OBI1: variants seen among roughly 807,000 people sequenced by gnomAD.
OBI1 encodes ring finger protein 219.
A neutral mutation model predicts 62.4 loss-of-function variants in OBI1; 59 were observed. That is an observed-to-expected ratio of 0.95 (90% CI 0.77 to 1.17). The LOEUF (loss-of-function observed/expected upper bound fraction) is 1.17. Ranked by LOEUF, OBI1 falls within the 50% of genes most tolerant of loss-of-function variation. OBI1 has a pLI of 0.00. For synonymous variants in OBI1, 302 were observed against 292.8 expected (o/e 1.03, Z -0.32); for missense variants, 875 against 830.9 (o/e 1.05, Z -0.65).
intron 3 of OBI1, among the ~76,000 whole-genome samples, chr13:78,640,063 G>T (rs1248547789): frequency 6.6e-6 from 1 of 151,552 alleles, no homozygotes; most frequent in Non-Finnish European, 1.5e-5. Context: ...CAGAAAATAA[G>T]AAAAGTCACA....
At chr13:78,629,461 C>T (rs544498167) in intron 5 of OBI1, among the ~76,000 whole-genome samples, 64 of 152,126 alleles carry the variant, frequency 4.2e-4, no homozygotes, top group Non-Finnish European at 7.4e-4. Flanking sequence ...ATAGCATGAT[C>T]CCTGCCTCAA....
At position 78,638,991 on chromosome 13, in the gene OBI1, A is replaced by G; in HGVS notation, c.381T>C (p.Ile127=). 6.2e-7 allele frequency: 1 copy of G among 1,613,924 alleles called. No homozygotes were observed. Among genetic ancestry groups the G allele is most frequent in the Non-Finnish European group, 8.5e-7 (1 of 1,179,912 alleles). ...CCTGCACCAAGGTTAAAGGATCCAG[A>G]ATAGTTTTGATCTGTGACTCCAAGC... ...NLSLESQIKT[I]LDPLTLVQGN... Residue 127 remains isoleucine, a synonymous_variant, in exon 4 of 6, where the codon ATT becomes ATC. Coordinates refer to ENST00000282003, the MANE Select transcript of OBI1 (RefSeq NM_024546.4).
rs756719011 is a variant in OBI1 at position 78,659,154 on chromosome 13, C to G, written c.-34G>C. The G allele has an allele frequency of 1.3e-5, 21 of 1,598,790 alleles. No homozygotes were observed. The highest frequency in any genetic ancestry group is 1.7e-5 in the Admixed American group (1 of 58,796). ...TCAGAATCCCGCCAACACGGAAGTCCCGCCGACCTACCGCTACTCTTCGCC... is the reference window on the plus strand; with the variant it reads ...TCAGAATCCCGCCAACACGGAAGTCGCGCCGACCTACCGCTACTCTTCGCC... On this transcript the variant is annotated 5_prime_UTR_variant, in exon 1 of 6. Coordinates refer to ENST00000282003, the MANE Select transcript of OBI1 (RefSeq NM_024546.4).
Position 78,632,044 on chromosome 13 carries a change from T to C in OBI1, c.638+3066A>G, listed in dbSNP as rs145162570. On this transcript the variant is annotated intron_variant, in intron 5 of 5. Coordinates refer to ENST00000282003, the MANE Select transcript of OBI1 (RefSeq NM_024546.4). ...TGTTGGAGCATCTTAGAAAGAAATA[T>C]GTTCTGTGATGGACTGAGCCATGTC... Among the ~76,000 whole-genome samples the C allele has an allele frequency of 2.6e-3, 402 of 152,214 alleles. 1 individual carries two copies. The highest frequency in any genetic ancestry group is 3.8e-3 in the Non-Finnish European group (258 of 68,030).
At chr13:78,646,758 C>T (rs992540934) in intron 1 of OBI1, among the ~76,000 whole-genome samples, 3 of 151,866 alleles carry the variant, frequency 2.0e-5, no homozygotes, top group African/African-American at 7.3e-5. Flanking sequence ...TTAAAAGGGG[C>T]CCCCACCTCT....
Position 78,642,219 on chromosome 13 carries a change from G to T in OBI1, c.209-6C>A. Reference sequence around the variant, plus strand: ...TTCACTTTCACTTGTTCCTCCTGTAGGGAAAAAAAAAAAAATCCTAATTTT... The same window carrying T: ...TTCACTTTCACTTGTTCCTCCTGTATGGAAAAAAAAAAAAATCCTAATTTT... On this transcript the variant is annotated splice_region_variant and splice_polypyrimidine_tract_variant and intron_variant, in intron 2 of 5. Coordinates refer to ENST00000282003, the MANE Select transcript of OBI1 (RefSeq NM_024546.4). The T allele has an allele frequency of 6.6e-7, 1 of 1,511,570 alleles. No individual in the cohort carries two copies. The highest frequency in any genetic ancestry group is 9.1e-7 in the Non-Finnish European group (1 of 1,104,374). 93.6% of individuals were successfully genotyped at this position (1,511,570 alleles called of 1,614,324 possible).
chr13:78,638,801 A>AT (rs768528206), intron 4 of OBI1, 22 bp downstream of exon 4: 4 of 1,587,778 alleles, frequency 2.5e-6, no homozygotes, highest in Non-Finnish European at 3.4e-6. Context: ...ACCATAATAG[A>AT]TTTTTAAAAA....
rs372041793 is a variant in OBI1, at chr13:78,638,816, A to G, written c.549+7T>C. ...ACCATAATAGATTTTTAAAAACCAC[A>G]ACTTACCTCCTTTAGCTTATCCACA... On this transcript the variant is annotated splice_region_variant and intron_variant, in intron 4 of 5. Coordinates refer to ENST00000282003, the MANE Select transcript of OBI1 (RefSeq NM_024546.4). 27 of 1,599,174 alleles carry G rather than the reference A, an allele frequency of 1.7e-5. No individual in the cohort carries two copies. The highest frequency in any genetic ancestry group is 4.1e-5 in the African/African-American group (3 of 73,936).
intron 5 of OBI1, among the ~76,000 whole-genome samples, chr13:78,627,310 A>AT (rs34821359): frequency 1.9e-5 from 1 of 52,326 alleles, no homozygotes; most frequent in East Asian, 4.7e-4. Flanking sequence ...TATTTATTCT[A>AT]AAAAAAAAAA....
intron 5 of OBI1, among the ~76,000 whole-genome samples, chr13:78,634,022 C>T (rs1425706983): frequency 6.6e-6 from 1 of 150,736 alleles, no homozygotes. Context: ...GAGCCGAGAT[C>T]GCGCCACTGC....
chr13:78,633,277 C>T (rs560075703), intron 5 of OBI1, among the ~76,000 whole-genome samples: 2 of 152,092 alleles, frequency 1.3e-5, no homozygotes, highest in Non-Finnish European at 2.9e-5. Flanking sequence ...GAAAGAAAAA[C>T]GGGGTTGGAG....
At chr13:78,654,483 C>T (rs1566288383) in intron 1 of OBI1, among the ~76,000 whole-genome samples, 2 of 152,200 alleles carry the variant, frequency 1.3e-5, no homozygotes, top group Non-Finnish European at 2.9e-5. Flanking sequence ...CATGTACTGA[C>T]GTGGATGACT....
chr13:78,658,573 T>C (rs551837519), intron 1 of OBI1, among the ~76,000 whole-genome samples: 2 of 152,224 alleles, frequency 1.3e-5, no homozygotes, highest in African/African-American at 4.8e-5. Context: ...GTCTTGGAAA[T>C]GGAAAAGACT....
intron 1 of OBI1, among the ~76,000 whole-genome samples, chr13:78,650,043 T>C (rs573530507): frequency 3.9e-4 from 60 of 152,312 alleles, no homozygotes; most frequent in African/African-American, 1.4e-3. Flanking sequence ...TTGCTATACA[T>C]TGTTGAGTTC....
Position 78,617,037 on chromosome 13 carries a change from G to A in OBI1, c.724C>T (p.Arg242Ter), listed in dbSNP as rs1020140891. The change falls in exon 6 of 6, where the codon CGA (arginine) becomes TGA (stop). Residue 242 changes from arginine to a stop codon, truncating the protein, a stop_gained. Coordinates refer to ENST00000282003, the MANE Select transcript of OBI1 (RefSeq NM_024546.4). LOFTEE classifies it high-confidence loss of function. ...ETNRLKKALE[R>*]SDKYIEELES... ...AGTTCCTCTATATACTTATCACTTC[G>A]TTCCAGGGCTTTCTTGAGGCGATTG... The A allele has an allele frequency of 2.0e-5, 33 of 1,613,380 alleles. No homozygotes were observed. Among genetic ancestry groups the A allele is most frequent in the African/African-American group, 2.7e-5 (2 of 74,812 alleles).
chr13:78,618,296 A>T (rs1309834870), intron 5 of OBI1, among the ~76,000 whole-genome samples: 1 of 152,122 alleles, frequency 6.6e-6, no homozygotes, highest in African/African-American at 2.4e-5. Flanking sequence ...TGAGAAGGTG[A>T]CTTTCAAAAA....
intron 1 of OBI1, among the ~76,000 whole-genome samples, chr13:78,646,567 C>T (rs894234626): frequency 6.6e-6 from 1 of 152,034 alleles, no homozygotes; most frequent in Non-Finnish European, 1.5e-5. Context: ...TTCAATATTT[C>T]CCTAATAGTA....
chr13:78,639,974 CT>C (rs1876161314), intron 3 of OBI1, among the ~76,000 whole-genome samples: 2 of 150,988 alleles, frequency 1.3e-5, no homozygotes, highest in Admixed American at 6.6e-5. Context: ...CACATGTACC[CT>C]AAAACTTAAA....
chr13:78,625,906 G>A (rs1197871461), intron 5 of OBI1, among the ~76,000 whole-genome samples: 1 of 152,238 alleles, frequency 6.6e-6, no homozygotes, highest in East Asian at 1.9e-4. Flanking sequence ...AATAGGTCAA[G>A]AAGGGACAAC....
Sources: gnomAD v4.1 joint callset for allele counts (sites outside exome capture counted in the v4.1 genomes callset) on GRCh38, gnomAD v4.1.1 for gene constraint, MANE v1.5 for transcripts, NCBI Gene and HGNC (gene_info 2026-07-23, HGNC 2026-07-21) for gene names.